NID1: variants seen among roughly 807,000 people sequenced by gnomAD.
The protein encoded by NID1 is nidogen-1.
In NID1, 76 loss-of-function variants were observed where a neutral mutation model predicts 130.6. The observed-to-expected ratio is 0.58, with a 90% CI of 0.48 to 0.70. The LOEUF (loss-of-function observed/expected upper bound fraction) is 0.70, where lower values mean the gene tolerates loss of function less well. Among genes scored for constraint, NID1 ranks in the 30% least tolerant of loss-of-function variants. The pLI is 0.00. For missense variants in NID1, 1,517 were observed against 1,664.8 expected, an observed-to-expected ratio of 0.91 and a Z score of 1.54; for synonymous variants, 665 against 675.1, an observed-to-expected ratio of 0.98 and a Z score of 0.23.
At chr1:236,029,777 T>G in intron 6 of NID1, 27 bp from the exon 7 acceptor site, 12 of 1,612,708 alleles carry the variant, frequency 7.4e-6, no homozygotes, top group East Asian at 2.2e-5. Context: ...GACTGTCACT[T>G]TGCTGACTGG....
intron 8 of NID1, among the ~76,000 whole-genome samples, chr1:236,025,001 A>G (rs1658880448): frequency 6.6e-6 from 1 of 150,902 alleles, no homozygotes; most frequent in African/African-American, 2.4e-5. Context: ...CCCAGGCTGG[A>G]GTGCAGTGAT....
intron 14 of NID1, among the ~76,000 whole-genome samples, chr1:235,989,738 CCT>C (rs1166997106): frequency 6.6e-6 from 1 of 152,204 alleles, no homozygotes; most frequent in Non-Finnish European, 1.5e-5. Flanking sequence ...TCAGGACAGG[CCT>C]CTCTGAGAGA....
At chr1:236,015,065 C>T (rs1370441837) in intron 10 of NID1, among the ~76,000 whole-genome samples, 1 of 152,208 alleles carries the variant, frequency 6.6e-6, no homozygotes, top group Non-Finnish European at 1.5e-5. Context: ...TCCACAGGCC[C>T]TGCCTGAGCC....
chr1:236,056,637 C>A (rs1256717345), intron 1 of NID1, among the ~76,000 whole-genome samples: 1 of 152,158 alleles, frequency 6.6e-6, no homozygotes, highest in Non-Finnish European at 1.5e-5. Flanking sequence ...TCGTCCCATA[C>A]CCTACCCTTC....
chr1:236,024,957 C>CT (rs1331417881), intron 8 of NID1, among the ~76,000 whole-genome samples: 3,021 of 145,282 alleles, frequency 0.021, 44 homozygotes, highest in Middle Eastern at 0.033. Context: ...ATTTCTTTTT[C>CT]TTTTTTTTTT....
chr1:236,040,611 G>A (rs1885019), intron 4 of NID1, among the ~76,000 whole-genome samples: 69,317 of 150,922 alleles, frequency 0.46, 16,323 homozygotes, highest in East Asian at 0.68. Context: ...AGTGGATTCC[G>A]TATCAAACTA....
intron 6 of NID1, among the ~76,000 whole-genome samples, chr1:236,030,665 G>A (rs60979940): frequency 0.022 from 3,277 of 152,260 alleles, 106 homozygotes; most frequent in African/African-American, 0.072. Flanking sequence ...ATTAGGCATA[G>A]CTTTAAATAT....
intron 12 of NID1, among the ~76,000 whole-genome samples, chr1:236,008,446 A>C (rs576544112): frequency 6.6e-6 from 1 of 152,290 alleles, no homozygotes; most frequent in Admixed American, 6.5e-5. Context: ...GCACCAGGAG[A>C]CCAGATGACA....
intron 16 of NID1, among the ~76,000 whole-genome samples, chr1:235,980,920 G>A (rs1657419657): frequency 6.6e-6 from 1 of 152,164 alleles, no homozygotes; most frequent in African/African-American, 2.4e-5. Context: ...GAAGCTGTTA[G>A]CAAAAGAAAA....
chr1:235,977,985 T>C lies in NID1; in HGVS notation c.3626A>G (p.His1209Arg), dbSNP rs748251942. 7 of 1,613,880 alleles carry C rather than the reference T, an allele frequency of 4.3e-6. No individual in the cohort carries two copies. The highest frequency in any genetic ancestry group is 1.1e-5 in the South Asian group (1 of 91,070). Residue 1209 changes from histidine to arginine, a missense_variant, in exon 20 of 20, where the codon CAT becomes CGT. Around this residue, in one of 3 missense-constraint regions of NID1, gnomAD observed 181 missense variants for 211.3 expected, o/e 0.86. Transcript: ENST00000264187. The stretch of plus-strand genomic sequence containing the variant: ...GCCATTGTTCACTGAGCAGTAGTTA[T>C]GGCCTGGAAAAGGCAGAAATCAGTT... Reference protein sequence around the residue: ...TTALSQCPQGHNYCSVNNGGC... With the variant: ...TTALSQCPQGRNYCSVNNGGC...
chr1:236,005,467 T>C (rs972601600), intron 12 of NID1, among the ~76,000 whole-genome samples: 1 of 152,202 alleles, frequency 6.6e-6, no homozygotes, highest in African/African-American at 2.4e-5. Context: ...GCAAAATGAT[T>C]CATATGCCAT....
chr1:235,981,525 G>T, intron 16 of NID1, 86 bp downstream of exon 16: 1 of 1,413,000 alleles, frequency 7.1e-7, no homozygotes, highest in Non-Finnish European at 9.7e-7. Flanking sequence ...GGAGACCAAT[G>T]CTGGAGTTAA....
intron 9 of NID1, among the ~76,000 whole-genome samples, chr1:236,017,695 T>C (rs1044955092): frequency 1.3e-5 from 2 of 152,182 alleles, no homozygotes; most frequent in African/African-American, 4.8e-5. Context: ...AAAATAAATT[T>C]TCTATGTATC....
At chr1:236,008,007 C>T (rs1026011531) in intron 12 of NID1, among the ~76,000 whole-genome samples, 8 of 152,326 alleles carry the variant, frequency 5.3e-5, no homozygotes, top group African/African-American at 1.9e-4. Flanking sequence ...CACACTTAGA[C>T]ACGCATACAC....
Position 235,979,770 on chromosome 1 carries a change from C to A in NID1, c.3509+52G>T. On this transcript the variant is annotated intron_variant, in intron 18 of 19. Transcript: ENST00000264187. The surrounding 1 kb of genome is among the most constrained non-coding windows in gnomAD (Gnocchi z 4.6). ...TGGGAAGGGCCTGGCCTCCCAGAGACAGTGGGTGGAGGGGCAGGCCCACGC... is the reference window on the plus strand; with the variant it reads ...TGGGAAGGGCCTGGCCTCCCAGAGAAAGTGGGTGGAGGGGCAGGCCCACGC... 1 of 1,603,404 alleles carries A rather than the reference C, an allele frequency of 6.2e-7. No individual in the cohort carries two copies. Among genetic ancestry groups the A allele is most frequent in the Non-Finnish European group, 8.5e-7 (1 of 1,172,774 alleles).
intron 7 of NID1, among the ~76,000 whole-genome samples, chr1:236,027,621 G>C (rs186396217): frequency 9.8e-5 from 15 of 152,338 alleles, no homozygotes; most frequent in Admixed American, 4.6e-4. Context: ...TGGAGGTCAG[G>C]AGTTCGAGAC....
At chr1:235,996,182 C>A (rs977720774) in intron 12 of NID1, among the ~76,000 whole-genome samples, 37 of 152,014 alleles carry the variant, frequency 2.4e-4, no homozygotes, top group African/African-American at 7.5e-4. Flanking sequence ...ACCCAAAAAA[C>A]CAAGAAGTAC....
intron 4 of NID1, among the ~76,000 whole-genome samples, chr1:236,039,046 C>A (rs1659362895): frequency 7.9e-6 from 1 of 126,840 alleles, no homozygotes; most frequent in Admixed American, 8.5e-5. Flanking sequence ...TATATATTTA[C>A]ATTATATATT....
intron 14 of NID1, 70 bp from the exon 15 acceptor site, chr1:235,985,575 C>T: frequency 6.5e-7 from 1 of 1,547,018 alleles, no homozygotes; most frequent in Non-Finnish European, 8.9e-7. Context: ...TTTTTGCGTG[C>T]CTACAGGCAT....
Sources: allele counts gnomAD v4.1 joint callset (sites outside exome capture counted in the v4.1 genomes callset), GRCh38; gene constraint gnomAD v4.1.1; regional missense constraint gnomAD v4.1.1; non-coding constraint Gnocchi (gnomAD v3.1); transcripts MANE v1.5; gene names NCBI Gene and HGNC (gene_info 2026-07-23, HGNC 2026-07-21).